Variants in MEGF11 observed in about 807,000 individuals in gnomAD.
MEGF11 encodes multiple epidermal growth factor-like domains protein 11.
MEGF11 carries 126 observed loss-of-function variants against 146.6 expected under a neutral mutation model. The observed-to-expected ratio is 0.86, with a 90% confidence interval of 0.74 to 1.00. The LOEUF (loss-of-function observed/expected upper bound fraction) is 1.00, where lower values mean the gene tolerates loss of function less well. Among genes scored for constraint, MEGF11 ranks in the 50% least tolerant of loss-of-function variants. The probability of loss-of-function intolerance (pLI) is 0.00; values close to 1 mark genes in which losing one functional copy is unlikely to be tolerated. For synonymous variants in MEGF11, 532 were observed against 583.4 expected, an observed-to-expected ratio of 0.91 and a Z score of 1.27; for missense variants, 1,509 against 1,521.2, an observed-to-expected ratio of 0.99 and a Z score of 0.13.
At chr15:65,997,041 C>G (rs1030778889) in intron 5 of MEGF11, among the ~76,000 whole-genome samples, 6 of 152,190 alleles carry the variant, frequency 3.9e-5, no homozygotes, top group Non-Finnish European at 8.8e-5. Context: ...TCAACTCTGT[C>G]TTGCTATTTA....
intron 2 of MEGF11, among the ~76,000 whole-genome samples, chr15:66,125,581 T>A (rs1296901151): frequency 6.6e-6 from 1 of 152,236 alleles, no homozygotes; most frequent in Non-Finnish European, 1.5e-5. Context: ...CTAACCAGGT[T>A]GTGTGGTTAC....
At chr15:66,123,575 C>A (rs2088159580) in intron 3 of MEGF11, among the ~76,000 whole-genome samples, 1 of 152,142 alleles carries the variant, frequency 6.6e-6, no homozygotes, top group South Asian at 2.1e-4. Flanking sequence ...TCACTGGAGA[C>A]TTCTAGGATA....
chr15:66,098,163 G>C (rs1189886672), intron 4 of MEGF11, among the ~76,000 whole-genome samples: 2 of 152,154 alleles, frequency 1.3e-5, no homozygotes, highest in African/African-American at 4.8e-5. Context: ...ATCAGTTCTG[G>C]GGCAGCAGGT....
At chr15:66,064,908 G>T (rs1007930549) in intron 5 of MEGF11, among the ~76,000 whole-genome samples, 5 of 152,090 alleles carry the variant, frequency 3.3e-5, no homozygotes, top group African/African-American at 9.7e-5. Context: ...CCTCCATCAG[G>T]CTGGGAGCAC....
chr15:66,238,336 C>T (rs912141212), intron 1 of MEGF11, among the ~76,000 whole-genome samples: 5 of 152,130 alleles, frequency 3.3e-5, no homozygotes, highest in South Asian at 2.1e-4. Flanking sequence ...GGCTTTTCTG[C>T]GATTCCCTCA....
chr15:66,083,745 A>G (rs902050412), intron 5 of MEGF11, among the ~76,000 whole-genome samples: 1 of 152,060 alleles, frequency 6.6e-6, no homozygotes, highest in Non-Finnish European at 1.5e-5. Context: ...GAGATCCTGT[A>G]TTTACGAAAA....
intron 1 of MEGF11, among the ~76,000 whole-genome samples, chr15:66,238,179 C>T (rs1420118150): frequency 6.6e-6 from 1 of 152,208 alleles, no homozygotes; most frequent in Non-Finnish European, 1.5e-5. Context: ...CCTGCATCCC[C>T]ACTGCTAGGA....
At chr15:66,239,226 T>C (rs987988668) in intron 1 of MEGF11, among the ~76,000 whole-genome samples, 2 of 152,188 alleles carry the variant, frequency 1.3e-5, no homozygotes, top group Non-Finnish European at 2.9e-5. Context: ...TGAAACTCCA[T>C]AGGCAATGAT....
intron 1 of MEGF11, among the ~76,000 whole-genome samples, chr15:66,160,727 C>T (rs2089925686): frequency 6.8e-6 from 1 of 148,028 alleles, no homozygotes; most frequent in Admixed American, 6.7e-5. Context: ...GGAATTTATT[C>T]CTGCCCTTCT....
chr15:65,987,035 G>T (rs1439840454), intron 5 of MEGF11, among the ~76,000 whole-genome samples: 2 of 152,008 alleles, frequency 1.3e-5, no homozygotes, highest in Non-Finnish European at 2.9e-5. Context: ...GTTCCTCGAG[G>T]CTGGGCAACT....
chr15:65,951,251 T>C (rs1263016633), intron 10 of MEGF11, among the ~76,000 whole-genome samples: 2 of 152,212 alleles, frequency 1.3e-5, no homozygotes, highest in African/African-American at 4.8e-5. Context: ...ATAGATGCGA[T>C]AGGGACTATG....
chr15:65,917,387 A>G (rs544757148), intron 16 of MEGF11, among the ~76,000 whole-genome samples: 1 of 152,118 alleles, frequency 6.6e-6, no homozygotes, highest in Non-Finnish European at 1.5e-5. Context: ...CCTCATCAGA[A>G]TGGAAATTCC....
intron 1 of MEGF11, among the ~76,000 whole-genome samples, chr15:66,236,225 G>A (rs576097244): frequency 1.3e-5 from 2 of 152,302 alleles, no homozygotes; most frequent in African/African-American, 2.4e-5. Flanking sequence ...ACCAGAAGCG[G>A]CTTGGTGCTA....
At chr15:65,965,174 C>T in intron 8 of MEGF11, 54 bp from the exon 9 acceptor site, 2 of 1,423,160 alleles carry the variant, frequency 1.4e-6, no homozygotes, top group Admixed American at 2.1e-5. Context: ...CTCACCTGTG[C>T]TTCAAGATCC....
At chr15:66,037,607 T>TG (rs1311121654) in intron 5 of MEGF11, among the ~76,000 whole-genome samples, 4 of 152,152 alleles carry the variant, frequency 2.6e-5, no homozygotes, top group Non-Finnish European at 5.9e-5. Flanking sequence ...TAGGGTGGGG[T>TG]GAGGGCAAGT....
chr15:65,924,829 A>G (rs1042604702), intron 13 of MEGF11, among the ~76,000 whole-genome samples: 2 of 152,028 alleles, frequency 1.3e-5, no homozygotes, highest in South Asian at 2.1e-4. Flanking sequence ...GGGTTCCTCC[A>G]TGTTGGCCAG....
At chr15:66,105,554 C>T (rs902549447) in intron 4 of MEGF11, among the ~76,000 whole-genome samples, 1 of 152,166 alleles carries the variant, frequency 6.6e-6, no homozygotes, top group Non-Finnish European at 1.5e-5. Context: ...GCTGGCGGGG[C>T]AGGGCAACAA....
intron 5 of MEGF11, among the ~76,000 whole-genome samples, chr15:65,989,653 G>A (rs2081971437): frequency 6.6e-6 from 1 of 152,230 alleles, no homozygotes; most frequent in Non-Finnish European, 1.5e-5. Context: ...CCGAGGCTGA[G>A]CCCCTTGCTC....
chr15:65,992,714 T>C (rs1278712058), intron 5 of MEGF11, among the ~76,000 whole-genome samples: 2 of 151,948 alleles, frequency 1.3e-5, no homozygotes, highest in Non-Finnish European at 2.9e-5. Flanking sequence ...GCCACAGTAT[T>C]GTGTGGACAG....
Sources: allele counts gnomAD v4.1 joint callset (sites outside exome capture counted in the v4.1 genomes callset), GRCh38; gene constraint gnomAD v4.1.1; transcripts MANE v1.5; gene names NCBI Gene and HGNC (gene_info 2026-07-23, HGNC 2026-07-21).